Variants in PPP2R2D observed in about 807,000 individuals in gnomAD.
The protein encoded by PPP2R2D is serine/threonine-protein phosphatase 2A 55 kDa regulatory subunit B delta isoform.
A neutral mutation model predicts 31.1 loss-of-function variants in PPP2R2D; 9 were observed. The observed-to-expected ratio is 0.29, with a 90% CI of 0.17 to 0.51. The LOEUF (loss-of-function observed/expected upper bound fraction) is 0.51. Ranked by LOEUF, PPP2R2D falls within the 20% of genes least tolerant of loss-of-function variation. The pLI, the probability that PPP2R2D is intolerant of heterozygous loss-of-function variation, is 0.98. For missense variants in PPP2R2D, 391 were observed against 465.6 expected (o/e 0.84, Z 1.48); for synonymous variants, 179 against 172.6 (o/e 1.04, Z -0.29).
At chr10:131,942,321 C>T (rs782776286) in intron 5 of PPP2R2D, among the ~76,000 whole-genome samples, 1 of 152,124 alleles carries the variant, frequency 6.6e-6, no homozygotes, top group Non-Finnish European at 1.5e-5. Flanking sequence ...CTAAATAAAA[C>T]GGGTATAATT....
intron 2 of PPP2R2D, among the ~76,000 whole-genome samples, chr10:131,932,135 C>T (rs912358432): frequency 9.9e-5 from 15 of 152,168 alleles, no homozygotes; most frequent in Admixed American, 7.9e-4. Context: ...GGGGTGGCTG[C>T]GGACACTTTG....
chr10:131,935,035 C>T, intron 3 of PPP2R2D: 1 of 450,184 alleles, frequency 2.2e-6, no homozygotes, highest in Non-Finnish European at 4.5e-6. Context: ...TCCATGCCCC[C>T]TTGAAGGCTT....
chr10:131,925,197 G>T (rs1554894737), intron 2 of PPP2R2D, among the ~76,000 whole-genome samples: 1 of 152,190 alleles, frequency 6.6e-6, no homozygotes, highest in African/African-American at 2.4e-5. Flanking sequence ...TTTACTAGAA[G>T]TTAGCAAATC....
chr10:131,927,140 A>G (rs999603663), intron 2 of PPP2R2D, among the ~76,000 whole-genome samples: 1 of 152,138 alleles, frequency 6.6e-6, no homozygotes, highest in African/African-American at 2.4e-5. Flanking sequence ...TTTTTCATGA[A>G]ATAAGCAGAT....
downstream of PPP2R2D, among the ~76,000 whole-genome samples, chr10:131,962,925 G>A (rs1169946473): frequency 6.6e-6 from 1 of 152,224 alleles, no homozygotes; most frequent in Non-Finnish European, 1.5e-5. Context: ...AGCACTTTGG[G>A]AAGCTGAGGT....
chr10:131,907,609 C>T (rs2035615652), intron 2 of PPP2R2D, among the ~76,000 whole-genome samples: 1 of 151,896 alleles, frequency 6.6e-6, no homozygotes. Context: ...TGGGTGTGGT[C>T]GCGGGCACCT....
At chr10:131,941,379 A>C (rs1554897217) in intron 5 of PPP2R2D, among the ~76,000 whole-genome samples, 3 of 152,192 alleles carry the variant, frequency 2.0e-5, no homozygotes, top group Non-Finnish European at 2.9e-5. Context: ...AATTAGATGG[A>C]ACATGGTGAA....
rs2036562647 is a variant in PPP2R2D at position 131,947,438 on chromosome 10, T to C, written c.821-92T>C. ...GTTGAGGCCAAGCCCTTCCAGAGTC[T>C]CTCTGAAGGGGCCACTTCCTACTTG... On this transcript the variant is annotated intron_variant, in intron 7 of 8. Transcript: ENST00000455566. This position sits in a 1 kb window ranked among gnomAD's most constrained non-coding sequence, Gnocchi z 4.3. The C allele has an allele frequency of 2.2e-6, 3 of 1,363,146 alleles. No individual in the cohort carries two copies. Among genetic ancestry groups the C allele is most frequent in the African/African-American group, 1.4e-5 (1 of 69,382 alleles). 84.4% of individuals were successfully genotyped at this position (1,363,146 alleles called of 1,614,324 possible). A position where few individuals can be genotyped will look rare whatever the true frequency, so the allele number is the denominator to read the frequency against.
At chr10:131,909,077 G>A (rs1317789438) in intron 2 of PPP2R2D, among the ~76,000 whole-genome samples, 1 of 152,222 alleles carries the variant, frequency 6.6e-6, no homozygotes, top group Non-Finnish European at 1.5e-5. Context: ...GAGTGGAGGG[G>A]AGGACATCAG....
chr10:131,923,815 T>G (rs2036042594), intron 2 of PPP2R2D, among the ~76,000 whole-genome samples: 1 of 152,132 alleles, frequency 6.6e-6, no homozygotes, highest in Admixed American at 6.5e-5. Flanking sequence ...CAGGCTAGAG[T>G]GCAGTGGTGC....
intron 2 of PPP2R2D, among the ~76,000 whole-genome samples, chr10:131,906,687 A>G (rs972556849): frequency 3.0e-4 from 46 of 151,956 alleles, no homozygotes; most frequent in Non-Finnish European, 6.3e-4. Flanking sequence ...TCAGGAGGCC[A>G]AGATGGCAGG....
chr10:131,906,360 A>G (rs1166771927), intron 2 of PPP2R2D, among the ~76,000 whole-genome samples: 1 of 152,208 alleles, frequency 6.6e-6, no homozygotes, highest in Admixed American at 6.5e-5. Flanking sequence ...TGCTTTAATC[A>G]GTTTCTTAAT....
chr10:131,960,479 TCA>T (rs2036908386), downstream of PPP2R2D, among the ~76,000 whole-genome samples: 1 of 152,136 alleles, frequency 6.6e-6, no homozygotes, highest in Admixed American at 6.5e-5. Flanking sequence ...GTGGACAGAC[TCA>T]GTCTGATTTT....
rs35027240 is a variant in PPP2R2D at position 131,954,630 on chromosome 10, CTT to C, written c.1083-1039_1083-1038del. ...TGCAGTTTCTCTTCTCTGAGTTCGT[CTT>C]TTTTTTTTTTTTTTCCCCTGCTTTG... On this transcript the variant is annotated intron_variant, in intron 8 of 8. Coordinates refer to ENST00000455566, the MANE Select transcript of PPP2R2D (RefSeq NM_018461.5). 4.9e-3 allele frequency among the ~76,000 whole-genome samples: 703 copies of C among 144,158 alleles called. 8 individuals carry two copies. Among genetic ancestry groups the C allele is most frequent in the East Asian group, 0.01 (51 of 4,870 alleles). The allele number at this position is 144,158 out of a possible 152,430, so 94.6% of individuals were successfully genotyped here.
intron 3 of PPP2R2D, among the ~76,000 whole-genome samples, chr10:131,939,147 C>T (rs2036396682): frequency 7.5e-6 from 1 of 132,820 alleles, no homozygotes; most frequent in African/African-American, 2.8e-5. Context: ...CCAGAAAACA[C>T]GGCAGGCTGC....
At chr10:131,962,781 C>T (rs1037429994), downstream of PPP2R2D, among the ~76,000 whole-genome samples, 2 of 152,252 alleles carry the variant, frequency 1.3e-5, no homozygotes, top group Non-Finnish European at 2.9e-5. Flanking sequence ...CACCCCCAAC[C>T]GCAGCCCAGC....
the PPP2R2D span, chr10:131,968,568 T>G: frequency 6.3e-7 from 1 of 1,598,268 alleles, no homozygotes. Context: ...CCAATATAGA[T>G]CCTTCACAGA....
chr10:131,933,239 C>T (rs1186007366), intron 2 of PPP2R2D, among the ~76,000 whole-genome samples: 1 of 151,096 alleles, frequency 6.6e-6, no homozygotes, highest in African/African-American at 2.4e-5. Flanking sequence ...TGGTGGAAAT[C>T]CTTCACTAAC....
chr10:131,945,522 C>T lies in PPP2R2D; in HGVS notation c.820+63C>T. On this transcript the variant is annotated intron_variant, in intron 7 of 8. Coordinates refer to ENST00000455566, the MANE Select transcript of PPP2R2D (RefSeq NM_018461.5). This position sits in a 1 kb window ranked among gnomAD's most constrained non-coding sequence, Gnocchi z 4.8. The stretch of plus-strand genomic sequence containing the variant: ...TCACCCAGGCTGCGGTGCAGTGACA[C>T]AGTCTCGGCTCACGGCAAGCTCCGC... The T allele has an allele frequency of 1.3e-6, 2 of 1,524,320 alleles. No individual in the cohort carries two copies. The highest frequency in any genetic ancestry group is 1.3e-5 in the South Asian group (1 of 79,076). 94.4% of individuals were successfully genotyped at this position (1,524,320 alleles called of 1,614,324 possible). A position where few individuals can be genotyped will look rare whatever the true frequency, so the allele number is the denominator to read the frequency against.
Sources: gnomAD v4.1 joint callset for allele counts (sites outside exome capture counted in the v4.1 genomes callset) on GRCh38, gnomAD v4.1.1 for gene constraint, Gnocchi (gnomAD v3.1) non-coding constraint, MANE v1.5 for transcripts, NCBI Gene and HGNC (gene_info 2026-07-23, HGNC 2026-07-21) for gene names.